MYCBP2: variants seen among roughly 807,000 people sequenced by gnomAD.
MYCBP2 encodes MYC binding protein 2.
MYCBP2 carries 120 observed loss-of-function variants against 525.3 expected under a neutral mutation model. The observed-to-expected ratio is 0.23, with a 90% CI of 0.20 to 0.27. The LOEUF (loss-of-function observed/expected upper bound fraction) is 0.27, where lower values mean the gene tolerates loss of function less well. Among genes scored for constraint, MYCBP2 ranks in the 10% least tolerant of loss-of-function variants. MYCBP2 has a pLI of 1.00. For missense variants in MYCBP2, 4,149 were observed against 5,657.1 expected, an observed-to-expected ratio of 0.73 and a Z score of 8.55; for synonymous variants, 1,894 against 1,955.8, an observed-to-expected ratio of 0.97 and a Z score of 0.83.
In MYCBP2 at chr13:77,044,670, T is replaced by C; in HGVS notation, c.*708A>G. The C allele has an allele frequency of 2.5e-6, 1 of 398,628 alleles. No homozygotes were observed. Among genetic ancestry groups the C allele is most frequent in the East Asian group, 3.6e-5 (1 of 27,968 alleles). 24.7% of individuals were successfully genotyped at this position (398,628 alleles called of 1,614,324 possible). A position where few individuals can be genotyped will look rare whatever the true frequency, so the allele number is the denominator to read the frequency against. On this transcript the variant is annotated 3_prime_UTR_variant, in exon 83 of 83. Coordinates refer to ENST00000544440, the MANE Select transcript of MYCBP2 (RefSeq NM_015057.5). ...CTCCCACAGTGGTAGACTTTATCAC[T>C]GTATAAAAATGTACAGTGGTTTTAT... is the stretch of plus-strand genomic sequence containing the variant.
intron 26 of MYCBP2, among the ~76,000 whole-genome samples, chr13:77,202,255 A>G (rs2062696875): frequency 6.6e-6 from 1 of 152,266 alleles, no homozygotes; most frequent in Non-Finnish European, 1.5e-5. Flanking sequence ...AGAGAATACT[A>G]CAAAATCCTC....
In MYCBP2 at chr13:77,088,959, G is replaced by A; in HGVS notation, c.10598C>T (p.Ser3533Phe). 5 of 1,613,538 alleles carry A rather than the reference G, an allele frequency of 3.1e-6. No homozygotes were observed. The highest frequency in any genetic ancestry group is 4.2e-6 in the Non-Finnish European group (5 of 1,179,632). Residue 3533 changes from serine to phenylalanine, a missense_variant, in exon 61 of 83, where the codon TCT becomes TTT. Coordinates refer to ENST00000544440, the MANE Select transcript of MYCBP2 (RefSeq NM_015057.5). ...SRLISAHSSL[S>F]KGERNFQWPV... ...CCACTGGAAATTTCGTTCTCCTTTA[G>A]AAAGAGAGCTGTGGGCTGAGATTAG...
At chr13:77,171,358 C>A in intron 38 of MYCBP2, 134 bp downstream of exon 38, 2 of 826,714 alleles carry the variant, frequency 2.4e-6, no homozygotes, top group South Asian at 4.3e-5. Flanking sequence ...CAAAATTAAT[C>A]CATGGGTGGA....
chr13:77,060,771 A>T (rs1400142675), intron 76 of MYCBP2, among the ~76,000 whole-genome samples: 1 of 152,212 alleles, frequency 6.6e-6, no homozygotes, highest in Non-Finnish European at 1.5e-5. Flanking sequence ...ACAACCTTAT[A>T]ATAAATAGAG....
In MYCBP2 at chr13:77,189,056, A is replaced by G. The variant is rs759980033; in HGVS notation, c.4155-9T>C. ...CATCACTGGTTGGAAGTCTAAAGGC[A>G]GTAGACACATATAAAATTATGTTAG... On this transcript the variant is annotated splice_polypyrimidine_tract_variant and intron_variant, in intron 29 of 82. Transcript: ENST00000544440. 6.3e-6 allele frequency: 10 copies of G among 1,576,082 alleles called. No individual in the cohort carries two copies. The South Asian group carries it at 9.3e-5, about 15-fold the overall frequency.
chr13:77,069,567 G>A (rs557849268), intron 69 of MYCBP2, among the ~76,000 whole-genome samples: 2 of 150,982 alleles, frequency 1.3e-5, no homozygotes, highest in South Asian at 2.1e-4. Flanking sequence ...GTGAAACCCC[G>A]TCTCTACTAA....
At chr13:77,111,533 C>T (rs964122404) in intron 55 of MYCBP2, among the ~76,000 whole-genome samples, 1 of 151,390 alleles carries the variant, frequency 6.6e-6, no homozygotes, top group African/African-American at 2.4e-5. Context: ...CCTCCTGCTT[C>T]AGCCTCCCAA....
chr13:77,275,295 T>A (rs1164516000), intron 4 of MYCBP2, among the ~76,000 whole-genome samples: 1 of 152,226 alleles, frequency 6.6e-6, no homozygotes, highest in Non-Finnish European at 1.5e-5. Context: ...ATCAAATTCT[T>A]TAACATGGCA....
intron 52 of MYCBP2, among the ~76,000 whole-genome samples, chr13:77,135,615 C>T (rs1382958204): frequency 6.6e-6 from 1 of 152,198 alleles, no homozygotes; most frequent in African/African-American, 2.4e-5. Context: ...TATCCCAGAT[C>T]TGTTTAGAGC....
rs547574156 is a variant in MYCBP2, at chr13:77,145,016, T to C, written c.7188-456A>G. 1.1e-4 allele frequency among the ~76,000 whole-genome samples: 16 copies of C among 152,300 alleles called. No individual in the cohort carries two copies. In the South Asian group the frequency reaches 2.9e-3, roughly 28 times the overall value. On this transcript the variant is annotated intron_variant, in intron 48 of 82. Transcript: ENST00000544440. ...CAATTACTCTCAATTTAGTGAATCA[T>C]TTCGATTAGCACACAAACTTTAGAA...
At chr13:77,260,361 T>C (rs907465362) in intron 13 of MYCBP2, 67 bp downstream of exon 13, 19 of 1,105,732 alleles carry the variant, frequency 1.7e-5, no homozygotes, top group Non-Finnish European at 2.0e-5. Context: ...TTTCTAGATA[T>C]GTCTTTGTCA....
At chr13:77,274,511 A>G (rs994517549) in intron 4 of MYCBP2, among the ~76,000 whole-genome samples, 4 of 152,196 alleles carry the variant, frequency 2.6e-5, no homozygotes, top group African/African-American at 9.6e-5. Context: ...GGAGGAGAAC[A>G]AGAGAAAGAG....
In MYCBP2 at chr13:77,185,108, C is replaced by T. The variant is rs1204241041; in HGVS notation, c.4714G>A (p.Asp1572Asn). Reference protein sequence around the residue: ...ACLCDLLNCLDQDIQEANFKT... With the variant: ...ACLCDLLNCLNQDIQEANFKT... ...ATTTTACAAACTTAAATTACCTGAT[C>T]CAAACAATTCAGCAGATCACAAAGG... The change falls in exon 32 of 83, where the codon GAT becomes AAT. Residue 1572 changes from aspartate to asparagine, a missense_variant. Physicochemically the swap from Asp to Asn is conservative, Grantham distance 23. Coordinates refer to ENST00000544440, the MANE Select transcript of MYCBP2 (RefSeq NM_015057.5). The T allele has an allele frequency of 6.2e-7, 1 of 1,612,982 alleles. No individual in the cohort carries two copies. The highest frequency in any genetic ancestry group is 2.2e-5 in the East Asian group (1 of 44,842).
intron 55 of MYCBP2, among the ~76,000 whole-genome samples, chr13:77,107,006 C>A (rs1410281335): frequency 6.6e-6 from 1 of 152,064 alleles, no homozygotes; most frequent in Non-Finnish European, 1.5e-5. Context: ...GCTATACATA[C>A]CTACGTTTAT....
At chr13:77,115,860 C>G (rs1444914300) in intron 55 of MYCBP2, among the ~76,000 whole-genome samples, 1 of 151,192 alleles carries the variant, frequency 6.6e-6, no homozygotes, top group Non-Finnish European at 1.5e-5. Flanking sequence ...TAAAAAAAGT[C>G]AAACTATAAA....
intron 59 of MYCBP2, among the ~76,000 whole-genome samples, chr13:77,092,738 T>G (rs991564361): frequency 1.3e-5 from 2 of 152,140 alleles, no homozygotes; most frequent in Admixed American, 6.6e-5. Context: ...TATTTTCTTG[T>G]GTATTACATT....
In MYCBP2 at chr13:77,297,883, C is replaced by T. The variant is rs2078362237; in HGVS notation, c.303-1209G>A. ...GCTGCAATGCTAATAAGCTAGGTTACCACCACCTCTTACCTGGACCACTGC... is the reference window on the plus strand; with the variant it reads ...GCTGCAATGCTAATAAGCTAGGTTATCACCACCTCTTACCTGGACCACTGC... On this transcript the variant is annotated intron_variant, in intron 1 of 82. Transcript: ENST00000544440. Among the ~76,000 whole-genome samples, 3 of 149,576 alleles carry T rather than the reference C, an allele frequency of 2.0e-5. No individual in the cohort carries two copies. The South Asian group carries it at 6.2e-4, about 31-fold the overall frequency.
chr13:77,074,414 TA>T (rs1183240728), intron 68 of MYCBP2, among the ~76,000 whole-genome samples: 1 of 152,056 alleles, frequency 6.6e-6, no homozygotes, highest in African/African-American at 2.4e-5. Context: ...AGACCATACA[TA>T]AAAATCATGA....
At chr13:77,247,365 T>C (rs973462532) in intron 15 of MYCBP2, among the ~76,000 whole-genome samples, 3 of 152,082 alleles carry the variant, frequency 2.0e-5, no homozygotes, top group Non-Finnish European at 2.9e-5. Flanking sequence ...TCAAAAAGAA[T>C]ACACTTAGTA....
Sources: allele counts gnomAD v4.1 joint callset (sites outside exome capture counted in the v4.1 genomes callset), GRCh38; gene constraint gnomAD v4.1.1; transcripts MANE v1.5; gene names NCBI Gene and HGNC (gene_info 2026-07-23, HGNC 2026-07-21).